MAP3K20: variants seen among roughly 807,000 people sequenced by gnomAD.
The protein encoded by MAP3K20 is mitogen-activated protein kinase kinase kinase 20.
Under a neutral mutation model 85.7 loss-of-function variants are expected in MAP3K20, and 40 were observed. The ratio of observed to expected loss-of-function variants is 0.47; its 90% CI spans 0.36 to 0.61. MAP3K20 has a LOEUF of 0.61. Ranked by LOEUF, MAP3K20 falls within the 20% of genes least tolerant of loss-of-function variation. MAP3K20 has a pLI of 0.00. For missense variants in MAP3K20, 817 were observed against 961.7 expected, an observed-to-expected ratio of 0.85 and a Z score of 1.99; for synonymous variants, 325 against 327.7, an observed-to-expected ratio of 0.99 and a Z score of 0.09.
rs184918295 is a variant in MAP3K20, at chr2:173,122,311, A to G, written c.159+31121A>G. ...GTAGACTTTCATTCAGCTGGTACCA[A>G]TGTATCATGCAGAACCCTTTATAAA... is the stretch of plus-strand genomic sequence containing the variant. On this transcript the variant is annotated intron_variant, in intron 2 of 19. Coordinates refer to ENST00000375213, the MANE Select transcript of MAP3K20 (RefSeq NM_016653.3). Among the ~76,000 whole-genome samples, 271 of 152,332 alleles carry G rather than the reference A, an allele frequency of 1.8e-3. 1 individual carries two copies. Among genetic ancestry groups the G allele is most frequent in the African/African-American group, 5.2e-3 (216 of 41,574 alleles).
rs1158633083 is a variant in MAP3K20, at chr2:173,266,847, C to T, written c.*97C>T. On this transcript the variant is annotated 3_prime_UTR_variant, in exon 20 of 20. Transcript: ENST00000375213. ...ATATGATCCCTTCAGATTGAATTAA[C>T]GAAAAGACAACACTTCCAGTTTTTG... 3.7e-5 allele frequency: 44 copies of T among 1,174,728 alleles called. No individual in the cohort carries two copies. The East Asian group carries it at 4.9e-4, about 13-fold the overall frequency. The allele number at this position is 1,174,728 out of a possible 1,614,324, so 72.8% of individuals were successfully genotyped here.
chr2:173,238,497 T>C (rs1294133043), intron 15 of MAP3K20, 62 bp downstream of exon 15: 39 of 1,462,264 alleles, frequency 2.7e-5, no homozygotes, highest in Non-Finnish European at 3.6e-5. Context: ...ACCTGCTGCA[T>C]CCACACCTAA....
intron 2 of MAP3K20, chr2:173,160,264 A>C (rs944877939): frequency 2.6e-5 from 4 of 152,154 alleles, no homozygotes; most frequent in Admixed American, 6.5e-5. Flanking sequence ...GGTCTTGTTA[A>C]GCCCAAAGTG....
intron 2 of MAP3K20, among the ~76,000 whole-genome samples, chr2:173,107,572 ATCT>A (rs745885252): frequency 2.6e-5 from 4 of 152,254 alleles, no homozygotes; most frequent in African/African-American, 7.2e-5. Flanking sequence ...TTTAAATAAC[ATCT>A]TCTGCCTTGC....
chr2:173,221,912 A>G, intron 11 of MAP3K20: 1 of 990,676 alleles, frequency 1.0e-6, no homozygotes. Flanking sequence ...ATTTTGAACA[A>G]ACACTCTTAA....
chr2:173,144,246 A>T (rs1321265177), intron 2 of MAP3K20, among the ~76,000 whole-genome samples: 1 of 151,970 alleles, frequency 6.6e-6, no homozygotes, highest in Non-Finnish European at 1.5e-5. Flanking sequence ...GGCAGATCAC[A>T]AGGTCACGAG....
intron 14 of MAP3K20, among the ~76,000 whole-genome samples, chr2:173,234,628 C>T (rs183276988): frequency 6.8e-4 from 104 of 152,276 alleles, no homozygotes; most frequent in Non-Finnish European, 1.2e-3. Flanking sequence ...GAACATTAAT[C>T]TAGACAGAGA....
chr2:173,183,788 A>G (rs924096526), intron 4 of MAP3K20, among the ~76,000 whole-genome samples: 6 of 152,114 alleles, frequency 3.9e-5, no homozygotes, highest in African/African-American at 1.4e-4. Context: ...CATTCTCTAC[A>G]AGCATCTCTT....
At chr2:173,148,368 A>T (rs1689197035) in intron 2 of MAP3K20, among the ~76,000 whole-genome samples, 1 of 152,140 alleles carries the variant, frequency 6.6e-6, no homozygotes, top group Non-Finnish European at 1.5e-5. Context: ...ATGCTATGAG[A>T]GGTAGGCTGT....
chr2:173,266,941 A>G lies in MAP3K20; in HGVS notation c.*191A>G. ...CCAAAATTATGGATATTGGTCACCC[A>G]GTGATCATAACTAGGCTTGAAAATC... On this transcript the variant is annotated 3_prime_UTR_variant, in exon 20 of 20. Coordinates refer to ENST00000375213, the MANE Select transcript of MAP3K20 (RefSeq NM_016653.3). 2.1e-6 allele frequency: 1 copy of G among 469,672 alleles called. No individual in the cohort carries two copies. The highest frequency in any genetic ancestry group is 3.3e-5 in the East Asian group (1 of 30,216). 29.1% of individuals were successfully genotyped at this position (469,672 alleles called of 1,614,324 possible).
chr2:173,251,942 G>A lies in MAP3K20; in HGVS notation c.1360-6757G>A, dbSNP rs16861433. ...GGTCTTGATTGTTTAATGGTTTTAT[G>A]TATAATGTTGATACATGCAATTAAA... On this transcript the variant is annotated intron_variant, in intron 16 of 19. Transcript: ENST00000375213. Among the ~76,000 whole-genome samples, 4 of 152,094 alleles carry A rather than the reference G, an allele frequency of 2.6e-5. No homozygotes were observed. The East Asian group carries it at 7.7e-4, about 29-fold the overall frequency.
intron 2 of MAP3K20, among the ~76,000 whole-genome samples, chr2:173,155,504 T>C (rs1422535716): frequency 6.6e-6 from 1 of 152,184 alleles, no homozygotes; most frequent in Non-Finnish European, 1.5e-5. Flanking sequence ...TGGGTGAATG[T>C]TGAATGGAGA....
chr2:173,147,307 A>T (rs528176021), intron 2 of MAP3K20, among the ~76,000 whole-genome samples: 1 of 152,252 alleles, frequency 6.6e-6, no homozygotes, highest in East Asian at 1.9e-4. Context: ...TTCTTTTAAG[A>T]GTTTTATAGT....
At chr2:173,161,290 A>T (rs1032444317) in intron 2 of MAP3K20, among the ~76,000 whole-genome samples, 2 of 152,182 alleles carry the variant, frequency 1.3e-5, no homozygotes, top group African/African-American at 4.8e-5. Context: ...CATAACTCTG[A>T]ACTGTGCTTC....
rs1264531100 is a variant in MAP3K20, at chr2:173,091,248, A to T, written c.159+58A>T. On this transcript the variant is annotated intron_variant, in intron 2 of 19. Transcript: ENST00000375213. ...CGATACCATTTATGTAAGCTTTTTC[A>T]ACCTCGAGTTAGAGGGTCACAGGGC... is the stretch of plus-strand genomic sequence containing the variant. 16 of 1,567,208 alleles carry T rather than the reference A, an allele frequency of 1.0e-5. 1 individual carries two copies. The highest frequency in any genetic ancestry group is 1.3e-5 in the Non-Finnish European group (15 of 1,150,640).
intron 2 of MAP3K20, among the ~76,000 whole-genome samples, chr2:173,103,923 A>G (rs1202306767): frequency 6.6e-6 from 1 of 152,204 alleles, no homozygotes; most frequent in Non-Finnish European, 1.5e-5. Flanking sequence ...CAGCCATCCA[A>G]CAAATATTGA....
intron 2 of MAP3K20, among the ~76,000 whole-genome samples, chr2:173,116,951 C>T (rs1688142752): frequency 6.6e-6 from 1 of 152,140 alleles, no homozygotes; most frequent in South Asian, 2.1e-4. Flanking sequence ...GAAAAAGAAG[C>T]AAACTGGATC....
intron 9 of MAP3K20, among the ~76,000 whole-genome samples, chr2:173,208,727 G>C (rs1196364807): frequency 3.9e-5 from 6 of 152,158 alleles, no homozygotes; most frequent in Non-Finnish European, 7.3e-5. Flanking sequence ...CTGAGAGCAA[G>C]CCACCTCAAC....
chr2:173,227,132 C>T (rs1559290126), intron 11 of MAP3K20: 3 of 985,668 alleles, frequency 3.0e-6, no homozygotes, highest in Middle Eastern at 5.2e-4. Context: ...TTGCAATAAA[C>T]GTTTTGACAG....
Sources: gnomAD v4.1 joint callset for allele counts (sites outside exome capture counted in the v4.1 genomes callset) on GRCh38, gnomAD v4.1.1 for gene constraint, MANE v1.5 for transcripts, NCBI Gene and HGNC (gene_info 2026-07-23, HGNC 2026-07-21) for gene names.